The following FBLN2 variants were observed in gnomAD, a reference collection of about 807,000 sequenced individuals.
FBLN2 encodes fibulin-2.
In FBLN2, 81 loss-of-function variants were observed where a neutral mutation model predicts 123.7. The observed-to-expected ratio is 0.65, with a 90% confidence interval of 0.55 to 0.79. FBLN2 has a LOEUF of 0.79. FBLN2 is among the 30% of genes least tolerant of loss of function. FBLN2 has a pLI of 0.00. For synonymous variants in FBLN2, 699 were observed against 701.4 expected (o/e 1.00, Z 0.05); for missense variants, 1,603 against 1,681.3 (o/e 0.95, Z 0.81).
chr3:13,555,555 T>C (rs7640036), intron 1 of FBLN2, among the ~76,000 whole-genome samples: 128,357 of 152,002 alleles, frequency 0.84, 54,389 homozygotes, highest in East Asian at 1. Flanking sequence ...CCCAGGTTCA[T>C]ACCATTCTCC....
At chr3:13,637,018 C>T (rs1326829411) in intron 17 of FBLN2, among the ~76,000 whole-genome samples, 5 of 152,204 alleles carry the variant, frequency 3.3e-5, no homozygotes, top group African/African-American at 2.4e-5. Flanking sequence ...GCCTCAGCTC[C>T]GCATCACATG....
chr3:13,580,951 T>TCCGGGATGGCCTCAG (rs1313537610), intron 2 of FBLN2, among the ~76,000 whole-genome samples: 4 of 152,164 alleles, frequency 2.6e-5, no homozygotes, highest in Non-Finnish European at 4.4e-5. Flanking sequence ...GCTCAGCTGG[T>TCCGGGATGGCCTCAG]CCGGGATGGC....
At chr3:13,628,607 A>G (rs970413136) in intron 11 of FBLN2, among the ~76,000 whole-genome samples, 2 of 152,218 alleles carry the variant, frequency 1.3e-5, no homozygotes, top group African/African-American at 2.4e-5. Flanking sequence ...CCTGGCAGCT[A>G]GACCCCTGGC....
chr3:13,620,432 C>T (rs1226262162), intron 8 of FBLN2, among the ~76,000 whole-genome samples: 1 of 152,194 alleles, frequency 6.6e-6, no homozygotes, highest in Non-Finnish European at 1.5e-5. Context: ...GCAGGAATGC[C>T]TGGCTGAATC....
At chr3:13,553,617 C>A (rs538711593) in intron 1 of FBLN2, among the ~76,000 whole-genome samples, 72 of 152,378 alleles carry the variant, frequency 4.7e-4, no homozygotes, top group African/African-American at 1.6e-3. Flanking sequence ...GGAAACGTTG[C>A]AGAAATGCCT....
chr3:13,549,998 A>G (rs893747941), intron 1 of FBLN2, among the ~76,000 whole-genome samples: 1 of 152,210 alleles, frequency 6.6e-6, no homozygotes, highest in African/African-American at 2.4e-5. Flanking sequence ...AGGGGTAGCT[A>G]TCACATGCAT....
intron 2 of FBLN2, among the ~76,000 whole-genome samples, chr3:13,594,280 G>A (rs568154453): frequency 2.0e-5 from 3 of 152,162 alleles, no homozygotes; most frequent in African/African-American, 4.8e-5. Context: ...CCACTTGCCC[G>A]GGCTTGATGG....
rs73150614 is a variant in FBLN2 at position 13,617,228 on chromosome 3, G to A, written c.1730-848G>A. Among the ~76,000 whole-genome samples, 816 of 146,986 alleles carry A rather than the reference G, an allele frequency of 5.6e-3. 10 individuals carry two copies. Among genetic ancestry groups the A allele is most frequent in the African/African-American group, 0.02 (776 of 39,592 alleles). The stretch of plus-strand genomic sequence containing the variant: ...TACCTACCTACCAGTCCATCCATCC[G>A]TCTGTTCATCTGTCTGTCCACCCAT... On this transcript the variant is annotated intron_variant, in intron 5 of 17. Transcript: ENST00000404922.
intron 2 of FBLN2, among the ~76,000 whole-genome samples, chr3:13,579,101 T>C (rs559442491): frequency 6.6e-6 from 1 of 152,302 alleles, no homozygotes; most frequent in Admixed American, 6.5e-5. Flanking sequence ...GACTGCACCA[T>C]TTTACATTCC....
In FBLN2 at chr3:13,619,766, G is replaced by A; in HGVS notation, c.2090G>A (p.Gly697Glu). 3.7e-6 allele frequency: 6 copies of A among 1,613,294 alleles called. No individual in the cohort carries two copies. The highest frequency in any genetic ancestry group is 1.1e-5 in the South Asian group (1 of 90,964). The change falls in exon 8 of 18, where the codon GGG (glycine) becomes GAG (glutamate). Residue 697 changes from glycine to glutamate, a missense_variant. Physicochemically the swap from Gly to Glu is moderately conservative, Grantham distance 98 (BLOSUM62 -2). Transcript: ENST00000404922. ...GPCKQVCSTV[G>E]GSAICSCFPG... ...TGCAAGCAGGTGTGCAGCACTGTTGGGGGCTCAGCCATATGCTCCTGTTTT... is the reference window on the plus strand; with the variant it reads ...TGCAAGCAGGTGTGCAGCACTGTTGAGGGCTCAGCCATATGCTCCTGTTTT...
At chr3:13,557,997 C>G (rs1703505714) in intron 1 of FBLN2, among the ~76,000 whole-genome samples, 1 of 152,210 alleles carries the variant, frequency 6.6e-6, no homozygotes. Flanking sequence ...GGTTATACCA[C>G]AGACTGGGCC....
chr3:13,557,204 G>GC (rs2125032959), intron 1 of FBLN2, among the ~76,000 whole-genome samples: 1 of 152,338 alleles, frequency 6.6e-6, no homozygotes, highest in East Asian at 1.9e-4. Flanking sequence ...GGCCCCAGGC[G>GC]CATGTCTGGA....
intron 5 of FBLN2, among the ~76,000 whole-genome samples, chr3:13,617,337 C>T (rs1053538116): frequency 1.3e-5 from 2 of 151,380 alleles, no homozygotes; most frequent in Admixed American, 1.3e-4. Flanking sequence ...CATCCATTCA[C>T]GTATCCATCC....
rs959281694 is a variant in FBLN2, at chr3:13,570,664, C to T, written c.309C>T (p.Gly103=). 52 of 1,583,148 alleles carry T rather than the reference C, an allele frequency of 3.3e-5. No homozygotes were observed. Among genetic ancestry groups the T allele is most frequent in the Middle Eastern group, 3.3e-4 (2 of 6,056 alleles). The change falls in exon 2 of 18, where the codon GGC becomes GGT. Residue 103 remains glycine, a synonymous_variant. Transcript: ENST00000404922. The part of the protein sequence containing the change: ...FGSTECSCPP[G]GGKISCQFML... ...GCACTGAGTGCTCCTGCCCACCAGG[C>T]GGCGGCAAGATCAGCTGCCAGTTCA...
chr3:13,587,157 A>AT (rs1198811692), intron 2 of FBLN2, among the ~76,000 whole-genome samples: 4 of 149,282 alleles, frequency 2.7e-5, no homozygotes, highest in Non-Finnish European at 3.0e-5. Flanking sequence ...AAAAAAAAAA[A>AT]AAAATAAATA....
chr3:13,569,709 A>C (rs1703861244), intron 1 of FBLN2, among the ~76,000 whole-genome samples: 1 of 151,688 alleles, frequency 6.6e-6, no homozygotes, highest in Non-Finnish European at 1.5e-5. Context: ...CTGGGGCTGT[A>C]GGGGGCGTCT....
At chr3:13,635,579 G>A (rs890176168) in intron 16 of FBLN2, among the ~76,000 whole-genome samples, 1 of 152,220 alleles carries the variant, frequency 6.6e-6, no homozygotes, top group Non-Finnish European at 1.5e-5. Flanking sequence ...CTATGTGCCT[G>A]TTGGAGTTGC....
chr3:13,611,749 GA>G (rs1705398473), intron 4 of FBLN2, among the ~76,000 whole-genome samples: 1 of 152,194 alleles, frequency 6.6e-6, no homozygotes, highest in Non-Finnish European at 1.5e-5. Context: ...AACATGAGCA[GA>G]AGAAGAGCTC....
intron 2 of FBLN2, among the ~76,000 whole-genome samples, chr3:13,581,341 A>G (rs1026298189): frequency 1.5e-4 from 23 of 152,200 alleles, no homozygotes; most frequent in African/African-American, 5.5e-4. Flanking sequence ...AAACAAACCA[A>G]TGCAAAGTCC....
Sources: gnomAD v4.1 joint callset for allele counts (sites outside exome capture counted in the v4.1 genomes callset) on GRCh38, gnomAD v4.1.1 for gene constraint, MANE v1.5 for transcripts, NCBI Gene and HGNC (gene_info 2026-07-23, HGNC 2026-07-21) for gene names.